The following SUSD4 variants were observed in gnomAD, a reference collection of about 807,000 sequenced individuals.
The protein encoded by SUSD4 is sushi domain-containing protein 4.
In SUSD4, 41 loss-of-function variants were observed where a neutral mutation model predicts 50.5. The observed-to-expected ratio is 0.81, with a 90% CI of 0.63 to 1.05. The LOEUF (loss-of-function observed/expected upper bound fraction) is 1.05, where lower values mean the gene tolerates loss of function less well. SUSD4 is among the 50% of genes least tolerant of loss of function. The pLI, the probability that SUSD4 is intolerant of heterozygous loss-of-function variation, is 0.00. For missense variants in SUSD4, 580 were observed against 634.7 expected (o/e 0.91, Z 0.93); for synonymous variants, 257 against 257.3 (o/e 1.00, Z 0.01).
chr1:223,355,161 A>G (rs1165153918), intron 2 of SUSD4, among the ~76,000 whole-genome samples: 1 of 147,688 alleles, frequency 6.8e-6, no homozygotes, highest in Non-Finnish European at 1.5e-5. Flanking sequence ...TGTAATCCCC[A>G]CCTCCTGGGT....
At chr1:223,362,248 C>A (rs533281657) in intron 2 of SUSD4, among the ~76,000 whole-genome samples, 10 of 152,036 alleles carry the variant, frequency 6.6e-5, no homozygotes, top group African/African-American at 2.4e-4. Flanking sequence ...TAATTTTTCA[C>A]TCATTTTTTT....
intron 3 of SUSD4, among the ~76,000 whole-genome samples, chr1:223,269,952 TAGTGGGTG>T (rs1662791411): frequency 6.6e-6 from 1 of 152,092 alleles, no homozygotes; most frequent in Non-Finnish European, 1.5e-5. Flanking sequence ...ATGCTGTGGC[TAGTGGGTG>T]AGTGGGTGAC....
intron 2 of SUSD4, among the ~76,000 whole-genome samples, chr1:223,315,547 A>G (rs1186082429): frequency 6.6e-6 from 1 of 152,180 alleles, no homozygotes; most frequent in Non-Finnish European, 1.5e-5. Flanking sequence ...GAAAAACCCT[A>G]GCGTCTGCAT....
Position 223,233,152 on chromosome 1 carries a change from C to T in SUSD4, c.725-3764G>A, listed in dbSNP as rs373508940. On this transcript the variant is annotated intron_variant, in intron 5 of 8. Coordinates refer to ENST00000366878, the MANE Select transcript of SUSD4 (RefSeq NM_017982.4). ...CATTTTCTCAGAGGCCAGATAAAAA[C>T]CATCCATTGTAGAGGCCTTAACTCT... Among the ~76,000 whole-genome samples, 260 of 152,278 alleles carry T rather than the reference C, an allele frequency of 1.7e-3. 2 individuals carry two copies. The highest frequency in any genetic ancestry group is 6.1e-3 in the African/African-American group (252 of 41,564).
At chr1:223,303,170 C>A (rs574136963) in intron 2 of SUSD4, among the ~76,000 whole-genome samples, 1 of 151,954 alleles carries the variant, frequency 6.6e-6, no homozygotes, top group Non-Finnish European at 1.5e-5. Context: ...CCCCCAAAAT[C>A]ATTGATAACA....
rs979948556 is a variant in SUSD4 at position 223,301,721 on chromosome 1, G to A, written c.149-9070C>T. On this transcript the variant is annotated intron_variant, in intron 2 of 8. Coordinates refer to ENST00000366878, the MANE Select transcript of SUSD4 (RefSeq NM_017982.4). ...AGGGAATCTTTCCGTCTCATGAGAG[G>A]AAAAACTTCAAAAAACCTTGCCTAT... 4.6e-5 allele frequency among the ~76,000 whole-genome samples: 7 copies of A among 152,158 alleles called. 1 individual carries two copies. Among genetic ancestry groups the A allele is most frequent in the Admixed American group, 4.6e-4 (7 of 15,274 alleles).
intron 2 of SUSD4, among the ~76,000 whole-genome samples, chr1:223,309,385 G>A (rs762221226): frequency 6.6e-6 from 1 of 152,164 alleles, no homozygotes; most frequent in East Asian, 1.9e-4. Flanking sequence ...AGCTTCTTCT[G>A]GGGGAAGCAG....
intron 3 of SUSD4, among the ~76,000 whole-genome samples, chr1:223,278,487 C>T (rs143540343): frequency 0.012 from 1,893 of 152,272 alleles, 71 homozygotes; most frequent in East Asian, 0.11. Context: ...AGTCTGAGAT[C>T]GAACTGCAAG....
intron 3 of SUSD4, among the ~76,000 whole-genome samples, chr1:223,272,039 C>T (rs1324192918): frequency 6.6e-6 from 1 of 152,146 alleles, no homozygotes; most frequent in African/African-American, 2.4e-5. Context: ...CCAGCCTGGC[C>T]AACATGGTGA....
Position 223,332,107 on chromosome 1 carries a change from C to T in SUSD4, c.148+31171G>A, listed in dbSNP as rs994780752. On this transcript the variant is annotated intron_variant, in intron 2 of 8. Transcript: ENST00000366878. The surrounding 1 kb of genome is among the most constrained non-coding windows in gnomAD (Gnocchi z 4.0). ...GCCTGGTTACAAAGCCCCCTATTCT[C>T]CAGTTGCTGATTTCTAGTCCTCTTG... Among the ~76,000 whole-genome samples, 31 of 152,196 alleles carry T rather than the reference C, an allele frequency of 2.0e-4. No individual in the cohort carries two copies. The highest frequency in any genetic ancestry group is 2.9e-4 in the Non-Finnish European group (20 of 68,036).
intron 2 of SUSD4, among the ~76,000 whole-genome samples, chr1:223,343,825 T>G (rs1170182538): frequency 6.6e-6 from 1 of 152,228 alleles, no homozygotes; most frequent in Non-Finnish European, 1.5e-5. Flanking sequence ...GTGCAACTGC[T>G]GTAGGAACCA....
chr1:223,258,687 C>T (rs912120344), intron 5 of SUSD4, among the ~76,000 whole-genome samples: 1 of 152,238 alleles, frequency 6.6e-6, no homozygotes, highest in African/African-American at 2.4e-5. Context: ...AGGGAAGCCA[C>T]TGCCCAAGTC....
chr1:223,223,668 A>G (rs1482546798), intron 7 of SUSD4, 37 bp from the exon 8 acceptor site: 1 of 1,554,944 alleles, frequency 6.4e-7, no homozygotes, highest in Non-Finnish European at 8.7e-7. Context: ...TGTGAGAGCC[A>G]TGCCACTCTG....
At chr1:223,348,163 G>A (rs1011937202) in intron 2 of SUSD4, among the ~76,000 whole-genome samples, 2 of 152,084 alleles carry the variant, frequency 1.3e-5, no homozygotes, top group Non-Finnish European at 2.9e-5. Context: ...ACTAGAAGCA[G>A]TAGCATAATC....
At chr1:223,361,350 GAA>G (rs1668966188) in intron 2 of SUSD4, among the ~76,000 whole-genome samples, 1 of 152,146 alleles carries the variant, frequency 6.6e-6, no homozygotes, top group Admixed American at 6.5e-5. Flanking sequence ...AGTTCAAAGT[GAA>G]ACGCAGCTGA....
chr1:223,292,610 C>T lies in SUSD4; in HGVS notation c.190G>A (p.Glu64Lys), dbSNP rs775842573. The change falls in exon 3 of 9, where the codon GAG becomes AAG. Residue 64 changes from glutamate to lysine, a missense_variant. Physicochemically the swap from Glu to Lys is moderately conservative, Grantham distance 56. Transcript: ENST00000366878. The stretch of plus-strand genomic sequence containing the variant: ...CCGCTGGGGGTCCTGAAGCCATTCT[C>T]GGGAATGCCGGGGTCAGCACACACT... ...LQVCADPGIP[E>K]NGFRTPSGGV... The T allele has an allele frequency of 5.1e-5, 82 of 1,614,094 alleles. 1 individual carries two copies. The South Asian group carries it at 8.2e-4, about 16-fold the overall frequency.
chr1:223,315,209 C>G (rs1209899549), intron 2 of SUSD4, among the ~76,000 whole-genome samples: 1 of 152,196 alleles, frequency 6.6e-6, no homozygotes, highest in East Asian at 1.9e-4. Context: ...AGCGGGTCTT[C>G]CCCCAAAGCT....
chr1:223,308,849 G>T (rs898224658), intron 2 of SUSD4, among the ~76,000 whole-genome samples: 4 of 152,106 alleles, frequency 2.6e-5, no homozygotes, highest in African/African-American at 9.7e-5. Context: ...TACTGGAATG[G>T]CATCTTGACC....
chr1:223,317,981 A>G (rs913014437), intron 2 of SUSD4, among the ~76,000 whole-genome samples: 3 of 105,438 alleles, frequency 2.8e-5, no homozygotes, highest in African/African-American at 1.1e-4. Flanking sequence ...AGCATTAGGT[A>G]TATCTCCCAA....
Sources: allele counts gnomAD v4.1 joint callset (sites outside exome capture counted in the v4.1 genomes callset), GRCh38; gene constraint gnomAD v4.1.1; non-coding constraint Gnocchi (gnomAD v3.1); transcripts MANE v1.5; gene names NCBI Gene and HGNC (gene_info 2026-07-23, HGNC 2026-07-21).